The following ST8SIA4 variants were observed in gnomAD, a reference collection of about 807,000 sequenced individuals.
The protein encoded by ST8SIA4 is CMP-N-acetylneuraminate-poly-alpha-2,8-sialyltransferase.
Under a neutral mutation model 33.9 loss-of-function variants are expected in ST8SIA4, and 15 were observed. That is an observed-to-expected ratio of 0.44 (90% CI 0.30 to 0.68). The LOEUF is 0.68. ST8SIA4 is among the 30% of genes least tolerant of loss of function. The pLI is 0.10. For missense variants in ST8SIA4, 321 were observed against 428.0 expected (o/e 0.75, Z 2.21); for synonymous variants, 171 against 151.2 (o/e 1.13, Z -0.96).
intron 3 of ST8SIA4, among the ~76,000 whole-genome samples, chr5:100,863,475 G>T (rs1248805085): frequency 1.3e-5 from 2 of 152,076 alleles, no homozygotes; most frequent in African/African-American, 2.4e-5. Flanking sequence ...ATAAAAAGTT[G>T]TTCTAGGTGA....
chr5:100,868,587 AT>A (rs1478489871), intron 3 of ST8SIA4, among the ~76,000 whole-genome samples: 4 of 151,938 alleles, frequency 2.6e-5, no homozygotes, highest in Non-Finnish European at 5.9e-5. Flanking sequence ...AAGATTCCTA[AT>A]TGGGTCTTTC....
At chr5:100,832,755 C>T in intron 4 of ST8SIA4, among the ~76,000 whole-genome samples, 1 of 151,996 alleles carries the variant, frequency 6.6e-6, no homozygotes, top group Non-Finnish European at 1.5e-5. Context: ...GAAACTTACA[C>T]CAACCCAACT....
chr5:100,837,718 CAG>C (rs1751392000), intron 4 of ST8SIA4, among the ~76,000 whole-genome samples: 1 of 151,864 alleles, frequency 6.6e-6, no homozygotes, highest in Admixed American at 6.6e-5. Flanking sequence ...TTTGTTTTCC[CAG>C]AGAGTTAGTT....
intron 3 of ST8SIA4, among the ~76,000 whole-genome samples, chr5:100,869,815 C>G (rs1752157372): frequency 6.6e-6 from 1 of 152,006 alleles, no homozygotes; most frequent in Non-Finnish European, 1.5e-5. Flanking sequence ...TATTACGAAC[C>G]TAACAATAGG....
rs773127058 is a variant in ST8SIA4 at position 100,812,051 on chromosome 5, A to G, written c.876T>C (p.Cys292=). 2 of 1,614,128 alleles carry G rather than the reference A, an allele frequency of 1.2e-6. No individual in the cohort carries two copies. The highest frequency in any genetic ancestry group is 2.2e-5 in the East Asian group (1 of 44,872). The change falls in exon 5 of 5, where the codon TGT becomes TGC. Residue 292 remains cysteine (C), a synonymous_variant. Transcript: ENST00000231461. The stretch of plus-strand genomic sequence containing the variant: ...AGAATCCATACAGGTGAATTTCATC[A>G]CAGAATCTTGTGGCAAGTGTATACA... The part of the protein sequence containing the change: ...LLMYTLATRF[C]DEIHLYGFWP...
intron 3 of ST8SIA4, among the ~76,000 whole-genome samples, chr5:100,871,300 T>C (rs935899691): frequency 2.6e-5 from 4 of 152,074 alleles, no homozygotes; most frequent in African/African-American, 7.2e-5. Context: ...TAAAATGCAT[T>C]GTACCAGCCA....
rs1644591609 is a variant in ST8SIA4, at chr5:100,806,934, G to T, written c.*4913C>A. ...GAGTATAAAATGGATATAAATGACT[G>T]TCACTTGTGAAATACTTTATTCCCT... On this transcript the variant is annotated 3_prime_UTR_variant, in exon 5 of 5. Transcript: ENST00000231461. 1 of 152,148 alleles carries T rather than the reference G, an allele frequency of 6.6e-6. No individual in the cohort carries two copies. Among genetic ancestry groups the T allele is most frequent in the Non-Finnish European group, 1.5e-5 (1 of 67,984 alleles). The allele number at this position is 152,148 out of a possible 1,614,324, so 9.4% of individuals were successfully genotyped here.
chr5:100,861,926 G>A (rs1286759984), intron 3 of ST8SIA4, among the ~76,000 whole-genome samples: 1 of 152,122 alleles, frequency 6.6e-6, no homozygotes, highest in East Asian at 1.9e-4. Flanking sequence ...TGCCCTGGGT[G>A]GATAAAACAT....
chr5:100,876,885 A>T (rs1485701388), intron 3 of ST8SIA4, among the ~76,000 whole-genome samples: 3 of 152,006 alleles, frequency 2.0e-5, no homozygotes, highest in Non-Finnish European at 2.9e-5. Context: ...AACTTTAAGC[A>T]TCATGTAATG....
chr5:100,900,134 G>T (rs1268662581), intron 1 of ST8SIA4, among the ~76,000 whole-genome samples: 2 of 152,214 alleles, frequency 1.3e-5, no homozygotes, highest in East Asian at 1.9e-4. Flanking sequence ...CCATTTGCGG[G>T]GGGGAAGGGT....
At chr5:100,889,850 G>A (rs1257880603) in intron 2 of ST8SIA4, among the ~76,000 whole-genome samples, 1 of 151,782 alleles carries the variant, frequency 6.6e-6, no homozygotes, top group Non-Finnish European at 1.5e-5. Flanking sequence ...TTTTTCAACT[G>A]AAGCAGTGAA....
At chr5:100,851,333 T>C (rs1391268870) in intron 4 of ST8SIA4, among the ~76,000 whole-genome samples, 3 of 151,960 alleles carry the variant, frequency 2.0e-5, no homozygotes, top group Non-Finnish European at 4.4e-5. Flanking sequence ...ACCAGAATTG[T>C]ATATTTACTT....
At position 100,824,896 on chromosome 5, in the gene ST8SIA4, C is replaced by CA. The variant is rs34354091; in HGVS notation, c.798-12768dup. Among the ~76,000 whole-genome samples the CA allele has an allele frequency of 5.0e-3, 580 of 115,204 alleles. 8 individuals are homozygous for CA. Among genetic ancestry groups the CA allele is most frequent in the African/African-American group, 0.017 (526 of 30,234 alleles). The allele number at this position is 115,204 out of a possible 152,430, so 75.6% of individuals were successfully genotyped here. A position where few individuals can be genotyped will look rare whatever the true frequency, so the allele number is the denominator to read the frequency against. ...GCAACATAGCAAGACCCTGTCTTGACAAAAAAAAAAAAAAAATAGCCAGCA... is the reference window on the plus strand; with the variant it reads ...GCAACATAGCAAGACCCTGTCTTGACAAAAAAAAAAAAAAAAATAGCCAGCA... On this transcript the variant is annotated intron_variant, in intron 4 of 4. Transcript: ENST00000231461.
intron 4 of ST8SIA4, among the ~76,000 whole-genome samples, chr5:100,841,475 C>T (rs1580457666): frequency 6.6e-6 from 1 of 151,966 alleles, no homozygotes; most frequent in East Asian, 1.9e-4. Flanking sequence ...TCTCCATTTA[C>T]ATAGGGCATA....
chr5:100,901,892 T>C (rs1422303475), intron 1 of ST8SIA4, among the ~76,000 whole-genome samples: 1 of 152,202 alleles, frequency 6.6e-6, no homozygotes, highest in Non-Finnish European at 1.5e-5. Context: ...AAGGGCTGTT[T>C]TCTTTGTTTT....
chr5:100,873,810 G>A (rs539416579), intron 3 of ST8SIA4, among the ~76,000 whole-genome samples: 1 of 152,198 alleles, frequency 6.6e-6, no homozygotes, highest in East Asian at 1.9e-4. Flanking sequence ...TCACTATTAG[G>A]AAATATATGA....
chr5:100,848,569 T>C (rs1278347881), intron 4 of ST8SIA4, among the ~76,000 whole-genome samples: 1 of 149,998 alleles, frequency 6.7e-6, no homozygotes, highest in Non-Finnish European at 1.5e-5. Context: ...AATATATTAA[T>C]ATATATGTTT....
Position 100,816,959 on chromosome 5 carries a change from G to A in ST8SIA4, c.798-4830C>T, listed in dbSNP as rs191373718. Among the ~76,000 whole-genome samples, 107 of 147,422 alleles carry A rather than the reference G, an allele frequency of 7.3e-4. 1 individual carries two copies. The highest frequency in any genetic ancestry group is 2.6e-3 in the African/African-American group (104 of 39,764). ...TTTTTCTTTTTTTTTTTTTGAGACA[G>A]AGTCTCACTCTGTCGCTGTGTCACC... is the stretch of plus-strand genomic sequence containing the variant. On this transcript the variant is annotated intron_variant, in intron 4 of 4. Transcript: ENST00000231461.
chr5:100,854,497 G>A (rs137943161), intron 4 of ST8SIA4, among the ~76,000 whole-genome samples: 2,558 of 152,102 alleles, frequency 0.017, 29 homozygotes, highest in Admixed American at 0.026. Flanking sequence ...GCAGGAGAAC[G>A]GCGTGAACCC....
Sources: gnomAD v4.1 joint callset for allele counts (sites outside exome capture counted in the v4.1 genomes callset) on GRCh38, gnomAD v4.1.1 for gene constraint, MANE v1.5 for transcripts, NCBI Gene and HGNC (gene_info 2026-07-23, HGNC 2026-07-21) for gene names.